MICU2: variants seen among roughly 807,000 people sequenced by gnomAD.
The protein encoded by MICU2 is mitochondrial calcium uptake 2.
In MICU2, 64 loss-of-function variants were observed where a neutral mutation model predicts 60.4. That is an observed-to-expected ratio of 1.06 (90% CI 0.87 to 1.31). The LOEUF (loss-of-function observed/expected upper bound fraction) is 1.31, where lower values mean the gene tolerates loss of function less well. MICU2 is among the 50% of genes most tolerant of loss of function. MICU2 has a pLI of 0.00. For synonymous variants in MICU2, 201 were observed against 175.0 expected (o/e 1.15, Z -1.17); for missense variants, 569 against 531.0 (o/e 1.07, Z -0.70).
chr13:21,595,389 A>T (rs1888670723), intron 1 of MICU2, among the ~76,000 whole-genome samples: 1 of 152,214 alleles, frequency 6.6e-6, no homozygotes, highest in Non-Finnish European at 1.5e-5. Flanking sequence ...TGGAGCCCAA[A>T]GGCCCTCACA....
At chr13:21,544,679 G>T (rs1005945305) in intron 2 of MICU2, among the ~76,000 whole-genome samples, 5 of 152,040 alleles carry the variant, frequency 3.3e-5, no homozygotes, top group Non-Finnish European at 5.9e-5. Flanking sequence ...TTGAGACAGG[G>T]TCTTGCTCTG....
chr13:21,571,976 A>G (rs1888121712), intron 1 of MICU2, among the ~76,000 whole-genome samples: 1 of 152,244 alleles, frequency 6.6e-6, no homozygotes, highest in Admixed American at 6.5e-5. Context: ...CCAAATATGT[A>G]AGACACTGGA....
intron 5 of MICU2, among the ~76,000 whole-genome samples, chr13:21,522,312 G>A (rs1189490839): frequency 3.3e-5 from 5 of 152,130 alleles, no homozygotes; most frequent in Admixed American, 2.6e-4. Context: ...TACTGGTCAG[G>A]AATTTTGTAT....
At chr13:21,516,598 GTTTAAC>G (rs1380489670) in intron 6 of MICU2, among the ~76,000 whole-genome samples, 1 of 152,120 alleles carries the variant, frequency 6.6e-6, no homozygotes, top group Non-Finnish European at 1.5e-5. Flanking sequence ...TAACAAATCT[GTTTAAC>G]TTTATAAGAA....
At chr13:21,507,211 T>C (rs1035788804) in intron 8 of MICU2, among the ~76,000 whole-genome samples, 3 of 152,184 alleles carry the variant, frequency 2.0e-5, no homozygotes, top group African/African-American at 7.2e-5. Flanking sequence ...CCATAATTTA[T>C]AGAAGAACTA....
At position 21,577,298 on chromosome 13, in the gene MICU2, C is replaced by T. The variant is rs537859286; in HGVS notation, c.211-10354G>A. ...ACCACTTACTTGCCTCTAATTAAAA[C>T]ACCTTACAAAGCTAAGCATGTAATA... On this transcript the variant is annotated intron_variant, in intron 1 of 11. Coordinates refer to ENST00000382374, the MANE Select transcript of MICU2 (RefSeq NM_152726.3). 4.6e-5 allele frequency among the ~76,000 whole-genome samples: 7 copies of T among 152,302 alleles called. No individual in the cohort carries two copies. In the East Asian group the frequency reaches 7.7e-4, roughly 17 times the overall value.
At chr13:21,574,105 G>A (rs1888173480) in intron 1 of MICU2, among the ~76,000 whole-genome samples, 1 of 152,214 alleles carries the variant, frequency 6.6e-6, no homozygotes, top group African/African-American at 2.4e-5. Context: ...AAGAGAGGAA[G>A]GGTATGGAAT....
At chr13:21,525,643 C>T (rs916243886) in intron 4 of MICU2, among the ~76,000 whole-genome samples, 2 of 151,234 alleles carry the variant, frequency 1.3e-5, no homozygotes, top group African/African-American at 4.9e-5. Context: ...TATCTCATTG[C>T]GGTTTTGATT....
intron 2 of MICU2, among the ~76,000 whole-genome samples, chr13:21,563,181 C>T (rs912242532): frequency 2.0e-5 from 3 of 152,142 alleles, no homozygotes; most frequent in African/African-American, 7.2e-5. Flanking sequence ...TCTGGCCGGG[C>T]GTGGTGGCTC....
chr13:21,567,352 T>C (rs1403597085), intron 1 of MICU2, among the ~76,000 whole-genome samples: 1 of 152,108 alleles, frequency 6.6e-6, no homozygotes, highest in East Asian at 1.9e-4. Context: ...GGGGGGTCTC[T>C]GGAAGAAAAG....
chr13:21,518,928 C>A (rs1411122166), intron 6 of MICU2, among the ~76,000 whole-genome samples: 1 of 152,122 alleles, frequency 6.6e-6, no homozygotes, highest in Non-Finnish European at 1.5e-5. Context: ...CCTCTTTAGC[C>A]TTTTGCTCTG....
chr13:21,558,296 T>C (rs1887758854), intron 2 of MICU2, among the ~76,000 whole-genome samples: 2 of 152,196 alleles, frequency 1.3e-5, no homozygotes. Flanking sequence ...TCCGTTTTCT[T>C]GACCATACCA....
chr13:21,512,009 G>A (rs569129135), intron 7 of MICU2, among the ~76,000 whole-genome samples: 2 of 152,202 alleles, frequency 1.3e-5, no homozygotes, highest in South Asian at 2.1e-4. Context: ...AAGAACATGT[G>A]TGTACAGGTT....
At chr13:21,569,104 T>C (rs751056781) in intron 1 of MICU2, among the ~76,000 whole-genome samples, 7 of 152,066 alleles carry the variant, frequency 4.6e-5, no homozygotes, top group African/African-American at 1.7e-4. Flanking sequence ...CTTTCAGAGG[T>C]TGATTTCCGA....
rs781339422 is a variant in MICU2 at position 21,495,303 on chromosome 13, GCT to G, written c.1056_1057del (p.Arg352SerfsTer20). 7 of 1,604,484 alleles carry G rather than the reference GCT, an allele frequency of 4.4e-6. No homozygotes were observed. The highest frequency in any genetic ancestry group is 1.1e-5 in the South Asian group (1 of 89,248). Reference sequence around the variant, plus strand: ...TTCTTGTCCTGTTGCTACTTTCACAGCTCTCTTAAACTCCGCTAAAAAACAAA... The same window carrying G: ...TTCTTGTCCTGTTGCTACTTTCACAGCTCTTAAACTCCGCTAAAAAACAAA... On this transcript the variant is annotated frameshift_variant, in exon 11 of 12. Transcript: ENST00000382374. LOFTEE classifies it high-confidence loss of function.
chr13:21,496,805 C>CA (rs1358129748), intron 9 of MICU2, among the ~76,000 whole-genome samples: 2 of 152,154 alleles, frequency 1.3e-5, no homozygotes, highest in Non-Finnish European at 2.9e-5. Flanking sequence ...CCTGTAATCC[C>CA]AGCACTTTGG....
At chr13:21,539,503 G>GT (rs1887226497) in intron 3 of MICU2, 126 bp from the exon 4 acceptor site, 1 of 1,289,464 alleles carries the variant, frequency 7.8e-7, no homozygotes, top group Non-Finnish European at 1.1e-6. Flanking sequence ...GGGCTTCACT[G>GT]TGTTAGCCAG....
At chr13:21,517,787 ACACACACACACACGCGCGCGCGCG>A (rs970239126) in intron 6 of MICU2, among the ~76,000 whole-genome samples, 2 of 95,094 alleles carry the variant, frequency 2.1e-5, no homozygotes, top group African/African-American at 7.9e-5. Flanking sequence ...ACACACACAC[ACACACACACACACGCGCGCGCGCG>A]CGCACACGCG....
chr13:21,512,613 A>G (rs1042349976), intron 7 of MICU2, among the ~76,000 whole-genome samples: 3 of 151,804 alleles, frequency 2.0e-5, no homozygotes, highest in African/African-American at 7.3e-5. Context: ...AGGCCCAGCT[A>G]ATTTTTTTTG....
Sources: gnomAD v4.1 joint callset for allele counts (sites outside exome capture counted in the v4.1 genomes callset) on GRCh38, gnomAD v4.1.1 for gene constraint, MANE v1.5 for transcripts, NCBI Gene and HGNC (gene_info 2026-07-23, HGNC 2026-07-21) for gene names.